Variants in CSNK2A2IP observed in about 807,000 individuals in gnomAD.
CSNK2A2IP encodes the protein casein kinase II subunit alpha'-interacting protein.
At chr3:88,448,965 C>G in the CSNK2A2IP span, among the ~76,000 whole-genome samples, 1 of 152,044 alleles carries the variant, frequency 6.6e-6, no homozygotes, top group Non-Finnish European at 1.5e-5. Context: ...TGGTAGGTAG[C>G]GTTTAATCAT....
the CSNK2A2IP span, among the ~76,000 whole-genome samples, chr3:88,381,355 G>T: frequency 6.6e-6 from 1 of 152,164 alleles, no homozygotes; most frequent in Non-Finnish European, 1.5e-5. Context: ...GATTCTCAAT[G>T]GTATTGGTCA....
the CSNK2A2IP span, chr3:88,338,456 A>G: frequency 6.6e-6 from 1 of 152,110 alleles, no homozygotes. Flanking sequence ...CCTCTTGTTC[A>G]CACTCCACAC....
At chr3:88,380,140 G>A in the CSNK2A2IP span, among the ~76,000 whole-genome samples, 2 of 151,936 alleles carry the variant, frequency 1.3e-5, no homozygotes, top group African/African-American at 4.8e-5. Context: ...AATGTGATAG[G>A]TATGAATTTT....
At chr3:88,357,405 G>A in the CSNK2A2IP span, among the ~76,000 whole-genome samples, 15,346 of 151,996 alleles carry the variant, frequency 0.1, 895 homozygotes, top group East Asian at 0.22. Context: ...TTATTCATGG[G>A]TTCTGTTCCA....
At chr3:88,381,807 G>A in the CSNK2A2IP span, among the ~76,000 whole-genome samples, 797 of 152,312 alleles carry the variant, frequency 5.2e-3, 9 homozygotes, top group African/African-American at 0.018. Context: ...GAACTGTTTG[G>A]AAGTGATGGA....
the CSNK2A2IP span, among the ~76,000 whole-genome samples, chr3:88,362,202 C>T: frequency 9.6e-3 from 1,462 of 152,060 alleles, 9 homozygotes; most frequent in Non-Finnish European, 0.016. Flanking sequence ...GTATTTATTC[C>T]GATCTTCACA....
At chr3:88,339,225 C>A in the CSNK2A2IP span, among the ~76,000 whole-genome samples, 3 of 151,938 alleles carry the variant, frequency 2.0e-5, no homozygotes, top group South Asian at 6.2e-4. Flanking sequence ...TTACCCTTCC[C>A]AGCCTCTGGT....
the CSNK2A2IP span, among the ~76,000 whole-genome samples, chr3:88,410,016 C>A: frequency 6.6e-6 from 1 of 152,018 alleles, no homozygotes; most frequent in African/African-American, 2.4e-5. Flanking sequence ...AGACCTTTCA[C>A]CCAACAGTAG....
chr3:88,354,402 A>G, the CSNK2A2IP span, among the ~76,000 whole-genome samples: 1 of 152,320 alleles, frequency 6.6e-6, no homozygotes, highest in Middle Eastern at 3.4e-3. Flanking sequence ...TTAAATCTGT[A>G]TGTGGCATAG....
chr3:88,349,026 C>G, the CSNK2A2IP span, among the ~76,000 whole-genome samples: 2 of 152,038 alleles, frequency 1.3e-5, no homozygotes, highest in Non-Finnish European at 2.9e-5. Context: ...TCTATTTCTT[C>G]AAACCCAGAT....
chr3:88,365,656 C>T, the CSNK2A2IP span, among the ~76,000 whole-genome samples: 2 of 152,114 alleles, frequency 1.3e-5, no homozygotes, highest in Non-Finnish European at 2.9e-5. Context: ...AGAACTTAAT[C>T]TTTATGCAGT....
the CSNK2A2IP span, among the ~76,000 whole-genome samples, chr3:88,401,256 T>C: frequency 6.6e-6 from 1 of 152,148 alleles, no homozygotes; most frequent in Non-Finnish European, 1.5e-5. Context: ...TTAATTCTGA[T>C]AATTTCACAA....
the CSNK2A2IP span, among the ~76,000 whole-genome samples, chr3:88,401,980 G>T: frequency 6.6e-6 from 1 of 150,968 alleles, no homozygotes; most frequent in African/African-American, 2.4e-5. Flanking sequence ...TGGGATGGGG[G>T]AACTGTCTTT....
chr3:88,442,518 A>G, the CSNK2A2IP span, among the ~76,000 whole-genome samples: 2 of 152,172 alleles, frequency 1.3e-5, no homozygotes, highest in African/African-American at 4.8e-5. Context: ...AGACAGTGGT[A>G]GTTGTTTTAT....
At chr3:88,467,582 TC>T in the CSNK2A2IP span, 1 of 398,452 alleles carries the variant, frequency 2.5e-6, no homozygotes, top group Non-Finnish European at 4.4e-6. Flanking sequence ...ATTAAATTAA[TC>T]TTTAGTCTGT....
At chr3:88,446,353 G>A in the CSNK2A2IP span, among the ~76,000 whole-genome samples, 1 of 152,040 alleles carries the variant, frequency 6.6e-6, no homozygotes, top group Non-Finnish European at 1.5e-5. Context: ...CTCCCAAAGT[G>A]CTAGGATTAC....
At chr3:88,465,649 C>A in the CSNK2A2IP span, 4 of 1,231,654 alleles carry the variant, frequency 3.2e-6, no homozygotes, top group Non-Finnish European at 4.0e-6. Context: ...TGCCAAGCAT[C>A]AGAACACACC....
the CSNK2A2IP span, among the ~76,000 whole-genome samples, chr3:88,348,741 A>C: frequency 6.6e-6 from 1 of 152,042 alleles, no homozygotes; most frequent in Non-Finnish European, 1.5e-5. Flanking sequence ...AAGTCAGTAC[A>C]ACAAAGTCCT....
chr3:88,395,294 T>G, the CSNK2A2IP span, among the ~76,000 whole-genome samples: 1 of 152,220 alleles, frequency 6.6e-6, no homozygotes, highest in East Asian at 1.9e-4. Context: ...TTCTAAAAGT[T>G]TATAGTGTTA....
Sources: gnomAD v4.1 joint callset for allele counts (sites outside exome capture counted in the v4.1 genomes callset) on GRCh38, gnomAD v4.1.1 for gene constraint, MANE v1.5 for transcripts, NCBI Gene and HGNC (gene_info 2026-07-23, HGNC 2026-07-21) for gene names.